Variants in PTPRD observed in about 807,000 individuals in gnomAD.
PTPRD encodes receptor-type tyrosine-protein phosphatase delta.
A neutral mutation model predicts 214.5 loss-of-function variants in PTPRD; 34 were observed. The ratio of observed to expected loss-of-function variants is 0.16; its 90% confidence interval spans 0.12 to 0.21. The LOEUF is 0.21. PTPRD is among the 10% of genes least tolerant of loss of function. The probability of loss-of-function intolerance (pLI) is 1.00; values close to 1 mark genes in which losing one functional copy is unlikely to be tolerated. For missense variants in PTPRD, 2,545 were observed against 2,398.7 expected (o/e 1.06, Z -1.27); for synonymous variants, 1,128 against 845.7 (o/e 1.33, Z -5.79).
intron 11 of PTPRD, among the ~76,000 whole-genome samples, chr9:8,966,763 T>C (rs116632233): frequency 0.012 from 1,832 of 152,036 alleles, 31 homozygotes; most frequent in African/African-American, 0.039. Flanking sequence ...AAATTAGACC[T>C]ATTGAACTAA....
At chr9:10,558,494 C>T (rs992688871) in intron 2 of PTPRD, among the ~76,000 whole-genome samples, 1 of 152,098 alleles carries the variant, frequency 6.6e-6, no homozygotes, top group African/African-American at 2.4e-5. Flanking sequence ...TCTGACCCCT[C>T]TCCAACCTCT....
chr9:8,629,743 T>C (rs2154314494), intron 14 of PTPRD, among the ~76,000 whole-genome samples: 2 of 151,858 alleles, frequency 1.3e-5, no homozygotes, highest in Admixed American at 1.3e-4. Flanking sequence ...CCAAGACAAC[T>C]AAAAAATTAA....
At chr9:9,824,492 T>C (rs1248621053) in intron 5 of PTPRD, among the ~76,000 whole-genome samples, 2 of 151,978 alleles carry the variant, frequency 1.3e-5, no homozygotes, top group Non-Finnish European at 1.5e-5. Flanking sequence ...ATATTACTTC[T>C]GTAATAAAAT....
intron 4 of PTPRD, among the ~76,000 whole-genome samples, chr9:10,005,368 G>A (rs2096451798): frequency 6.6e-6 from 1 of 152,106 alleles, no homozygotes; most frequent in Non-Finnish European, 1.5e-5. Flanking sequence ...TCAAAAAGCA[G>A]TTGTAGGTTC....
intron 2 of PTPRD, among the ~76,000 whole-genome samples, chr9:10,359,496 A>G (rs1354034938): frequency 2.6e-5 from 4 of 152,102 alleles, no homozygotes. Flanking sequence ...TTAAATCTCA[A>G]AAAATGCTAA....
chr9:10,312,639 A>G (rs114110307), intron 3 of PTPRD, among the ~76,000 whole-genome samples: 87 of 152,118 alleles, frequency 5.7e-4, no homozygotes, highest in African/African-American at 2.0e-3. Context: ...TGAATAGCAT[A>G]TATTATCTAT....
intron 11 of PTPRD, among the ~76,000 whole-genome samples, chr9:8,916,544 T>C (rs1352546143): frequency 2.0e-5 from 3 of 152,138 alleles, no homozygotes; most frequent in Admixed American, 1.3e-4. Context: ...TAGAGAGGCC[T>C]TTTAGAAAAG....
chr9:9,929,391 G>A (rs2085542783), intron 5 of PTPRD, among the ~76,000 whole-genome samples: 2 of 152,108 alleles, frequency 1.3e-5, no homozygotes, highest in African/African-American at 4.8e-5. Context: ...AGGGCCAGAA[G>A]AGAAAACACT....
At chr9:10,133,910 A>T (rs1049627281) in intron 3 of PTPRD, among the ~76,000 whole-genome samples, 5 of 152,158 alleles carry the variant, frequency 3.3e-5, no homozygotes, top group African/African-American at 1.2e-4. Context: ...CTTTTTTCAT[A>T]TATCACAGTG....
intron 9 of PTPRD, among the ~76,000 whole-genome samples, chr9:9,321,556 GA>G (rs3048028): frequency 2.9e-5 from 4 of 138,524 alleles, no homozygotes; most frequent in African/African-American, 8.1e-5. Context: ...ACTCCACTGA[GA>G]AAAAAAAAAG....
chr9:10,490,991 T>C (rs58888734), intron 2 of PTPRD, among the ~76,000 whole-genome samples: 2 of 152,172 alleles, frequency 1.3e-5, no homozygotes, highest in Non-Finnish European at 2.9e-5. Context: ...TTTACACACA[T>C]ATACAAACAT....
chr9:10,575,371 T>C (rs112197529), intron 2 of PTPRD, among the ~76,000 whole-genome samples: 3,535 of 152,126 alleles, frequency 0.023, 54 homozygotes, highest in South Asian at 0.063. Context: ...GTTCTTTCTC[T>C]AGGAAAAAAT....
At chr9:10,017,714 A>G (rs1567118618) in intron 4 of PTPRD, among the ~76,000 whole-genome samples, 2 of 152,102 alleles carry the variant, frequency 1.3e-5, no homozygotes, top group Non-Finnish European at 2.9e-5. Context: ...TGGAATCTGT[A>G]TTCTGTTCTT....
intron 30 of PTPRD, among the ~76,000 whole-genome samples, chr9:8,472,487 T>C (rs1388984519): frequency 6.6e-6 from 1 of 152,168 alleles, no homozygotes; most frequent in Non-Finnish European, 1.5e-5. Context: ...AAGAACTCTG[T>C]TTCCATTAAG....
At chr9:10,482,864 A>G (rs34627440) in intron 2 of PTPRD, among the ~76,000 whole-genome samples, 21,724 of 152,194 alleles carry the variant, frequency 0.14, 1,674 homozygotes, top group Non-Finnish European at 0.17. Context: ...ACACTTCCAA[A>G]AGCAATTGAC....
intron 6 of PTPRD, among the ~76,000 whole-genome samples, chr9:9,751,403 G>C (rs529993273): frequency 2.6e-5 from 4 of 152,062 alleles, no homozygotes; most frequent in Non-Finnish European, 5.9e-5. Context: ...TAGAACCTGA[G>C]TTAACTCATC....
chr9:8,709,896 T>C (rs1002953582), intron 12 of PTPRD, among the ~76,000 whole-genome samples: 3 of 151,864 alleles, frequency 2.0e-5, no homozygotes, highest in African/African-American at 7.3e-5. Context: ...TAATAGAGAG[T>C]GCCTCAGGAA....
At chr9:10,121,623 C>T (rs1488578842) in intron 3 of PTPRD, among the ~76,000 whole-genome samples, 1 of 152,208 alleles carries the variant, frequency 6.6e-6, no homozygotes, top group Non-Finnish European at 1.5e-5. Flanking sequence ...TCTTGCTCTG[C>T]TGCTGTTGTC....
chr9:9,244,807 G>C (rs2099972221), intron 9 of PTPRD, among the ~76,000 whole-genome samples: 1 of 152,116 alleles, frequency 6.6e-6, no homozygotes, highest in Non-Finnish European at 1.5e-5. Context: ...AAACTAAAGA[G>C]CTTCTGCACA....
Sources: gnomAD v4.1 joint callset for allele counts (sites outside exome capture counted in the v4.1 genomes callset) on GRCh38, gnomAD v4.1.1 for gene constraint, MANE v1.5 for transcripts, NCBI Gene and HGNC (gene_info 2026-07-23, HGNC 2026-07-21) for gene names.